The following SHROOM2 variants were observed in gnomAD, a reference collection of about 807,000 sequenced individuals.
SHROOM2 encodes shroom family member 2.
SHROOM2 carries 33 observed loss-of-function variants against 75.9 expected under a neutral mutation model. That is an observed-to-expected ratio of 0.43 (90% CI 0.33 to 0.58). SHROOM2 has a LOEUF of 0.58. SHROOM2 is among the 20% of genes least tolerant of loss of function. The pLI, the probability that SHROOM2 is intolerant of heterozygous loss-of-function variation, is 0.04. For missense variants in SHROOM2, 1,434 were observed against 1,461.2 expected (o/e 0.98, Z 0.30); for synonymous variants, 655 against 663.6 (o/e 0.99, Z 0.20).
At chrX:9,894,299 C>T in intron 3 of SHROOM2, 59 bp from the exon 4 acceptor site, 1 of 1,101,835 alleles carries the variant, frequency 9.1e-7, no homozygotes. Flanking sequence ...ACCGCCTTGC[C>T]CTTTGCCATT....
chrX:9,874,085 G>A (rs1027060704), intron 2 of SHROOM2, among the ~76,000 whole-genome samples: 4 of 112,239 alleles, frequency 3.6e-5, no homozygotes, highest in African/African-American at 6.5e-5. Flanking sequence ...GGCAGAAAAC[G>A]GTGCTTATGC....
At chrX:9,832,098 CCTT>C (rs749002316) in intron 1 of SHROOM2, among the ~76,000 whole-genome samples, 10 of 112,139 alleles carry the variant, frequency 8.9e-5, no homozygotes, top group Non-Finnish European at 1.9e-4. Flanking sequence ...GGTCTTCGCA[CCTT>C]CTTCTTTCGT....
At chrX:9,823,474 C>G (rs2083871032) in intron 1 of SHROOM2, among the ~76,000 whole-genome samples, 1 of 110,396 alleles carries the variant, frequency 9.1e-6, no homozygotes. Context: ...AACTCCTGGC[C>G]TCAAGTGATC....
chrX:9,871,929 G>T (rs1837565476), intron 1 of SHROOM2, among the ~76,000 whole-genome samples: 1 of 112,338 alleles, frequency 8.9e-6, no homozygotes, highest in South Asian at 3.7e-4. Context: ...GGATTCAAAG[G>T]CTGTATGCTG....
At chrX:9,793,582 G>C (rs770212563) in intron 1 of SHROOM2, among the ~76,000 whole-genome samples, 5 of 110,523 alleles carry the variant, frequency 4.5e-5, no homozygotes, top group African/African-American at 1.6e-4. Context: ...GAGCCACTGC[G>C]CCTGGCCCTT....
In SHROOM2 at chrX:9,838,596, T is replaced by C. The variant is rs2083961912; in HGVS notation, c.166-35056T>C. 3.6e-5 allele frequency among the ~76,000 whole-genome samples: 4 copies of C among 111,999 alleles called. No homozygotes were observed. The Admixed American group carries it at 3.8e-4, about 11-fold the overall frequency. Reference sequence around the variant, plus strand: ...TCATCATAGTATGTCGTATAGCCTTTGTTTCTTCTCAAAACTTTTACAGCA... The same window carrying C: ...TCATCATAGTATGTCGTATAGCCTTCGTTTCTTCTCAAAACTTTTACAGCA... On this transcript the variant is annotated intron_variant, in intron 1 of 9. Coordinates refer to ENST00000380913, the MANE Select transcript of SHROOM2 (RefSeq NM_001649.4).
chrX:9,803,422 C>T (rs1044421599), intron 1 of SHROOM2, among the ~76,000 whole-genome samples: 10 of 111,804 alleles, frequency 8.9e-5, no homozygotes, highest in Non-Finnish European at 1.7e-4. Flanking sequence ...CCTTGCTTTG[C>T]GGTAACCCTT....
At chrX:9,846,526 A>T (rs949268647) in intron 1 of SHROOM2, among the ~76,000 whole-genome samples, 1 of 110,853 alleles carries the variant, frequency 9.0e-6, no homozygotes, top group Non-Finnish European at 1.9e-5. Flanking sequence ...CAATCTCCTG[A>T]CCTCGTGATC....
At chrX:9,847,572 A>G (rs1254159455) in intron 1 of SHROOM2, among the ~76,000 whole-genome samples, 1 of 112,281 alleles carries the variant, frequency 8.9e-6, no homozygotes, top group African/African-American at 3.2e-5. Context: ...TGAATGAGGG[A>G]AACACTTTTA....
chrX:9,823,595 G>C (rs1440488784), intron 1 of SHROOM2, among the ~76,000 whole-genome samples: 3 of 111,063 alleles, frequency 2.7e-5, no homozygotes, highest in Non-Finnish European at 5.7e-5. Context: ...AAATTGTATA[G>C]TGTGCTAGGA....
At chrX:9,883,205 A>C (rs1446777143) in intron 2 of SHROOM2, among the ~76,000 whole-genome samples, 1 of 112,433 alleles carries the variant, frequency 8.9e-6, no homozygotes, top group Non-Finnish European at 1.9e-5. Flanking sequence ...GTGCGGACTC[A>C]GAGAGGAAGG....
intron 1 of SHROOM2, among the ~76,000 whole-genome samples, chrX:9,843,660 C>T (rs971692776): frequency 8.9e-6 from 1 of 112,609 alleles, no homozygotes; most frequent in Admixed American, 9.4e-5. Flanking sequence ...GTCAGCCTCC[C>T]AAAGTGCTGG....
At position 9,788,245 on chromosome X, in the gene SHROOM2, G is replaced by A. The variant is rs780077957; in HGVS notation, c.165+1535G>A. The stretch of plus-strand genomic sequence containing the variant: ...TTCCTCTCCCAAAAGCTACTGAAAA[G>A]TCACTGGGGCTCATTAAAAAATAGC... On this transcript the variant is annotated intron_variant, in intron 1 of 9. Transcript: ENST00000380913. Among the ~76,000 whole-genome samples the A allele has an allele frequency of 5.6e-5, 6 of 106,462 alleles. No homozygotes were observed. In the South Asian group the frequency reaches 2.5e-3, roughly 45 times the overall value. The allele number at this position is 106,462 out of a possible 115,157, so 92.4% of individuals were successfully genotyped here.
At chrX:9,942,806 G>C (rs914283389) in intron 8 of SHROOM2, among the ~76,000 whole-genome samples, 2 of 111,043 alleles carry the variant, frequency 1.8e-5, no homozygotes, top group Non-Finnish European at 1.9e-5. Context: ...TGGACAAAAA[G>C]ACTACAATCC....
chrX:9,884,368 C>CTTTTTTTTTTT (rs1181815816), intron 2 of SHROOM2, among the ~76,000 whole-genome samples: 1 of 62,306 alleles, frequency 1.6e-5, no homozygotes, highest in East Asian at 4.9e-4. Flanking sequence ...TTTTTCTTTT[C>CTTTTTTTTTTT]TTTTTTTTTT....
rs988381681 is a variant in SHROOM2 at position 9,885,338 on chromosome X, G to A, written c.318-5639G>A. On this transcript the variant is annotated intron_variant, in intron 2 of 9. Transcript: ENST00000380913. ...AGCCAGAGGGACCGGGAGTGTAGGC[G>A]GGCTCTAGGTGGCGCCAGAGCACTC... 8.2e-5 allele frequency among the ~76,000 whole-genome samples: 9 copies of A among 110,012 alleles called. No homozygotes were observed. The East Asian group carries it at 2.0e-3, about 24-fold the overall frequency.
At chrX:9,791,994 TAG>T (rs2083653010) in intron 1 of SHROOM2, among the ~76,000 whole-genome samples, 1 of 256 alleles carries the variant, frequency 3.9e-3, no homozygotes, top group East Asian at 0.062. Flanking sequence ...TAGAATAGAA[TAG>T]AATAGAATAG....
chrX:9,879,471 G>A (rs1349510865), intron 2 of SHROOM2, among the ~76,000 whole-genome samples: 1 of 111,500 alleles, frequency 9.0e-6, no homozygotes, highest in Non-Finnish European at 1.9e-5. Flanking sequence ...ATGTTGGCCA[G>A]GCTGGTCTTG....
intron 1 of SHROOM2, among the ~76,000 whole-genome samples, chrX:9,857,652 G>C (rs1218839425): frequency 9.0e-6 from 1 of 111,413 alleles, no homozygotes; most frequent in Admixed American, 9.5e-5. Context: ...GCCTCCCAAA[G>C]TGCTGGGATT....
Sources: allele counts gnomAD v4.1 joint callset (sites outside exome capture counted in the v4.1 genomes callset), GRCh38; gene constraint gnomAD v4.1.1; transcripts MANE v1.5; gene names NCBI Gene and HGNC (gene_info 2026-07-23, HGNC 2026-07-21).